Variants in PTPRK observed in about 807,000 individuals in gnomAD.
PTPRK encodes receptor-type tyrosine-protein phosphatase kappa.
A neutral mutation model predicts 178.0 loss-of-function variants in PTPRK; 75 were observed. The observed-to-expected ratio is 0.42, with a 90% CI of 0.35 to 0.51. PTPRK has a LOEUF of 0.51. Ranked by LOEUF, PTPRK falls within the 20% of genes least tolerant of loss-of-function variation. The pLI is 0.02. For missense variants in PTPRK, 1,441 were observed against 1,797.8 expected, an observed-to-expected ratio of 0.80 and a Z score of 3.59; for synonymous variants, 637 against 620.6, an observed-to-expected ratio of 1.03 and a Z score of -0.39.
At chr6:128,360,592 C>G (rs1263742845) in intron 2 of PTPRK, among the ~76,000 whole-genome samples, 1 of 152,132 alleles carries the variant, frequency 6.6e-6, no homozygotes, top group African/African-American at 2.4e-5. Context: ...CACCTCCAAA[C>G]CCATTCTTCT....
chr6:128,385,539 T>C (rs959982449), intron 2 of PTPRK, among the ~76,000 whole-genome samples: 1 of 152,204 alleles, frequency 6.6e-6, no homozygotes, highest in Non-Finnish European at 1.5e-5. Context: ...TGTCCATATA[T>C]TCTTACTTTC....
chr6:128,215,902 A>T (rs1009860322), intron 6 of PTPRK, among the ~76,000 whole-genome samples: 4 of 152,156 alleles, frequency 2.6e-5, no homozygotes, highest in Admixed American at 2.6e-4. Context: ...AGGACCTGTC[A>T]GCACAGTTAA....
At chr6:128,044,411 T>C (rs956717834) in intron 13 of PTPRK, among the ~76,000 whole-genome samples, 1 of 152,016 alleles carries the variant, frequency 6.6e-6, no homozygotes, top group African/African-American at 2.4e-5. Context: ...TTACAATCTC[T>C]TCTCCATGGA....
intron 5 of PTPRK, among the ~76,000 whole-genome samples, chr6:128,227,872 A>T (rs1265925530): frequency 6.6e-6 from 1 of 152,164 alleles, no homozygotes. Flanking sequence ...ATCATTATTA[A>T]TTACTAGAAA....
chr6:128,095,956 C>G (rs570047074), intron 7 of PTPRK, among the ~76,000 whole-genome samples: 13 of 152,096 alleles, frequency 8.5e-5, no homozygotes, highest in Non-Finnish European at 1.8e-4. Context: ...CTTTATCTTC[C>G]CTGTCAAATG....
chr6:128,155,271 G>A (rs1797806879), intron 7 of PTPRK, among the ~76,000 whole-genome samples: 1 of 151,580 alleles, frequency 6.6e-6, no homozygotes, highest in South Asian at 2.1e-4. Flanking sequence ...AGGAGGCTCA[G>A]AATATTCAGT....
At chr6:128,446,832 C>G (rs1211682658) in intron 1 of PTPRK, among the ~76,000 whole-genome samples, 1 of 152,142 alleles carries the variant, frequency 6.6e-6, no homozygotes, top group Non-Finnish European at 1.5e-5. Flanking sequence ...ATGCTCAAAA[C>G]AGCTTTTCTA....
intron 4 of PTPRK, 56 bp from the exon 5 acceptor site, chr6:128,240,206 T>C (rs1270999173): frequency 3.1e-6 from 4 of 1,287,246 alleles, no homozygotes; most frequent in Non-Finnish European, 3.3e-6. Flanking sequence ...AAATATGCCA[T>C]GTTACTTTTC....
At chr6:128,152,650 T>C (rs567657079) in intron 7 of PTPRK, among the ~76,000 whole-genome samples, 2 of 151,808 alleles carry the variant, frequency 1.3e-5, no homozygotes, top group South Asian at 2.1e-4. Flanking sequence ...TGGGTGCTCA[T>C]GGAAACAGAA....
Position 128,372,992 on chromosome 6 carries a change from TA to T in PTPRK, c.223+24573del, listed in dbSNP as rs745626336. On this transcript the variant is annotated intron_variant, in intron 2 of 29. Coordinates refer to ENST00000368226, the MANE Select transcript of PTPRK (RefSeq NM_002844.4). Reference sequence around the variant, plus strand: ...TGGGAACTAATGAGGGAGGTAATTTTAAAAAAAAAAAAAAATGGTGACCTAG... The same window carrying T: ...TGGGAACTAATGAGGGAGGTAATTTTAAAAAAAAAAAAAATGGTGACCTAG... Among the ~76,000 whole-genome samples the T allele has an allele frequency of 7.7e-3, 1,094 of 142,570 alleles. 2 individuals carry two copies. The highest frequency in any genetic ancestry group is 0.012 in the Admixed American group (177 of 14,182). The allele number at this position is 142,570 out of a possible 152,430, so 93.5% of individuals were successfully genotyped here. A position where few individuals can be genotyped will look rare whatever the true frequency, so the allele number is the denominator to read the frequency against.
intron 5 of PTPRK, among the ~76,000 whole-genome samples, chr6:128,226,263 G>A (rs1469453901): frequency 6.6e-6 from 1 of 152,182 alleles, no homozygotes; most frequent in Non-Finnish European, 1.5e-5. Flanking sequence ...TACTCTGTGA[G>A]ATTGCTGTGC....
intron 1 of PTPRK, among the ~76,000 whole-genome samples, chr6:128,435,137 GC>G (rs1845424252): frequency 7.0e-6 from 1 of 143,838 alleles, no homozygotes; most frequent in Non-Finnish European, 1.5e-5. Context: ...AGGCAGGCAG[GC>G]AGGCAGGCAG....
intron 1 of PTPRK, among the ~76,000 whole-genome samples, chr6:128,517,888 T>C (rs1194269373): frequency 6.6e-6 from 1 of 152,158 alleles, no homozygotes; most frequent in Non-Finnish European, 1.5e-5. Context: ...GGAATAAAAG[T>C]TCACTAGTTA....
At chr6:128,406,903 G>A in intron 1 of PTPRK, among the ~76,000 whole-genome samples, 1 of 152,192 alleles carries the variant, frequency 6.6e-6, no homozygotes, top group East Asian at 1.9e-4. Flanking sequence ...TAAGTGACAT[G>A]TAAGTCAATG....
intron 7 of PTPRK, among the ~76,000 whole-genome samples, chr6:128,119,965 A>T (rs1311716522): frequency 6.6e-6 from 1 of 151,962 alleles, no homozygotes; most frequent in Non-Finnish European, 1.5e-5. Flanking sequence ...TGTATTAAAA[A>T]TAAGGTTAAA....
intron 2 of PTPRK, among the ~76,000 whole-genome samples, chr6:128,327,414 T>C (rs1202620109): frequency 6.6e-6 from 1 of 152,180 alleles, no homozygotes; most frequent in East Asian, 1.9e-4. Flanking sequence ...TTGCCTAGTA[T>C]TCACAACTTT....
intron 2 of PTPRK, among the ~76,000 whole-genome samples, chr6:128,386,520 A>G (rs891632338): frequency 1.3e-5 from 2 of 152,224 alleles, no homozygotes; most frequent in Non-Finnish European, 2.9e-5. Context: ...AAGAACTTCA[A>G]GTGAAATACT....
intron 13 of PTPRK, among the ~76,000 whole-genome samples, chr6:128,041,543 C>T (rs929153341): frequency 1.3e-5 from 2 of 151,858 alleles, no homozygotes; most frequent in Non-Finnish European, 2.9e-5. Flanking sequence ...AAAAAAGAGG[C>T]AGAAATCATA....
At chr6:128,285,886 C>G (rs974019389) in intron 3 of PTPRK, among the ~76,000 whole-genome samples, 1 of 151,920 alleles carries the variant, frequency 6.6e-6, no homozygotes, top group African/African-American at 2.4e-5. Context: ...TTCTTTATGA[C>G]CTCAATCCTT....
Sources: allele counts gnomAD v4.1 joint callset (sites outside exome capture counted in the v4.1 genomes callset), GRCh38; gene constraint gnomAD v4.1.1; transcripts MANE v1.5; gene names NCBI Gene and HGNC (gene_info 2026-07-23, HGNC 2026-07-21).